PPP3CC: variants seen among roughly 807,000 people sequenced by gnomAD.
PPP3CC encodes the protein serine/threonine-protein phosphatase 2B catalytic subunit gamma isoform.
PPP3CC carries 35 observed loss-of-function variants against 60.3 expected under a neutral mutation model. The observed-to-expected ratio is 0.58, with a 90% CI of 0.44 to 0.77. The LOEUF (loss-of-function observed/expected upper bound fraction) is 0.77, where lower values mean the gene tolerates loss of function less well. Among genes scored for constraint, PPP3CC ranks in the 30% least tolerant of loss-of-function variants. The pLI is 0.00. For synonymous variants in PPP3CC, 206 were observed against 224.3 expected (o/e 0.92, Z 0.73); for missense variants, 570 against 628.9 (o/e 0.91, Z 1.00).
rs201005911 is a variant in PPP3CC at position 22,451,231 on chromosome 8, G to GTTCAC, written c.49+9777_49+9778insCTTCA. ...GCTCACTGCAACCTCCGCCTCCCAG[G>GTTCAC]TTCAAGTGATTCTCCTGCCCCAGCC... On this transcript the variant is annotated intron_variant, in intron 1 of 13. Transcript: ENST00000240139. Among the ~76,000 whole-genome samples the GTTCAC allele has an allele frequency of 3.5e-3, 523 of 150,140 alleles. 3 individuals carry two copies. Among genetic ancestry groups the GTTCAC allele is most frequent in the Middle Eastern group, 0.01 (3 of 286 alleles).
chr8:22,535,371 T>C (rs1839820648), intron 12 of PPP3CC, among the ~76,000 whole-genome samples: 1 of 152,224 alleles, frequency 6.6e-6, no homozygotes. Flanking sequence ...TAACACTAGG[T>C]ATGAAAATTG....
chr8:22,457,253 G>A (rs1837231176), intron 1 of PPP3CC, among the ~76,000 whole-genome samples: 1 of 151,384 alleles, frequency 6.6e-6, no homozygotes, highest in Non-Finnish European at 1.5e-5. Flanking sequence ...GAGTGCTGCT[G>A]TAACAAACAC....
chr8:22,453,794 T>C (rs1837107649), intron 1 of PPP3CC, among the ~76,000 whole-genome samples: 1 of 152,156 alleles, frequency 6.6e-6, no homozygotes, highest in African/African-American at 2.4e-5. Flanking sequence ...AACACAACAG[T>C]AAGTCTTTGG....
rs766925090 is a variant in PPP3CC, at chr8:22,527,528, TA to T, written c.1069+14del. 8.1e-5 allele frequency: 131 copies of T among 1,613,228 alleles called. No homozygotes were observed. In the African/African-American group the frequency reaches 1.6e-3, roughly 20 times the overall value. On this transcript the variant is annotated intron_variant, in intron 9 of 13. Transcript: ENST00000240139. ...TTGTTGGGGAAAAAGGTAAGAGAACTAAAGCACATGTCTCATCAGTTGTTTG... is the reference window on the plus strand; with the variant it reads ...TTGTTGGGGAAAAAGGTAAGAGAACTAAGCACATGTCTCATCAGTTGTTTG...
intron 6 of PPP3CC, among the ~76,000 whole-genome samples, chr8:22,518,674 T>C (rs746225582): frequency 5.7e-4 from 87 of 152,164 alleles, no homozygotes; most frequent in Non-Finnish European, 1.1e-3. Context: ...AATGATGTAT[T>C]GAAGTTACTT....
intron 1 of PPP3CC, among the ~76,000 whole-genome samples, chr8:22,443,968 T>G (rs1054946170): frequency 6.6e-6 from 1 of 152,246 alleles, no homozygotes; most frequent in African/African-American, 2.4e-5. Flanking sequence ...CCCCAGCTAT[T>G]TTTGTTTCTG....
chr8:22,506,262 C>G (rs1282746928), intron 4 of PPP3CC, among the ~76,000 whole-genome samples: 1 of 117,704 alleles, frequency 8.5e-6, no homozygotes, highest in Non-Finnish European at 1.9e-5. Flanking sequence ...TAACAAGACC[C>G]CATTTCAAAA....
intron 5 of PPP3CC, 56 bp downstream of exon 5, chr8:22,511,287 T>TG: frequency 1.9e-6 from 3 of 1,543,622 alleles, no homozygotes; most frequent in Non-Finnish European, 1.8e-6. Flanking sequence ...GTTGGGTTTT[T>TG]TTGTTGTTGT....
intron 12 of PPP3CC, among the ~76,000 whole-genome samples, chr8:22,539,205 G>T (rs1189369462): frequency 1.3e-5 from 2 of 152,106 alleles, no homozygotes; most frequent in Non-Finnish European, 2.9e-5. Flanking sequence ...GTAGCAGTTG[G>T]CTACCTAAAA....
At chr8:22,527,797 G>A (rs973461901) in intron 9 of PPP3CC, among the ~76,000 whole-genome samples, 4 of 151,978 alleles carry the variant, frequency 2.6e-5, no homozygotes, top group African/African-American at 4.8e-5. Context: ...CACTGCACCC[G>A]GCTAATTTTT....
chr8:22,465,229 A>G (rs910791849), intron 1 of PPP3CC, among the ~76,000 whole-genome samples: 2 of 152,086 alleles, frequency 1.3e-5, no homozygotes, highest in Non-Finnish European at 2.9e-5. Context: ...CCAAAGTGCT[A>G]GGATTACAGG....
intron 1 of PPP3CC, among the ~76,000 whole-genome samples, chr8:22,453,301 T>A (rs1456185833): frequency 6.6e-6 from 1 of 152,224 alleles, no homozygotes; most frequent in African/African-American, 2.4e-5. Flanking sequence ...TTAAGTGACA[T>A]GTGAAATGAA....
At chr8:22,452,798 C>T (rs996246452) in intron 1 of PPP3CC, among the ~76,000 whole-genome samples, 1 of 145,228 alleles carries the variant, frequency 6.9e-6, no homozygotes, top group African/African-American at 2.5e-5. Flanking sequence ...ATGGTAGGTG[C>T]TGCTGCCGCC....
intron 1 of PPP3CC, among the ~76,000 whole-genome samples, chr8:22,454,482 A>T (rs1477757549): frequency 6.6e-6 from 1 of 152,192 alleles, no homozygotes; most frequent in Admixed American, 6.5e-5. Flanking sequence ...TAGAAGGAGT[A>T]TACTCTAAAG....
rs375295371 is a variant in PPP3CC, at chr8:22,477,200, C to T, written c.372+1576C>T. On this transcript the variant is annotated intron_variant, in intron 3 of 13. Transcript: ENST00000240139. The stretch of plus-strand genomic sequence containing the variant: ...AGTCAAATGTATGGATGTGGGGCTG[C>T]GCGCAATGGCTCATGCCTGTAATCC... Among the ~76,000 whole-genome samples, 20 of 151,838 alleles carry T rather than the reference C, an allele frequency of 1.3e-4. 1 individual carries two copies. Among genetic ancestry groups the T allele is most frequent in the African/African-American group, 4.3e-4 (18 of 41,436 alleles).
intron 6 of PPP3CC, among the ~76,000 whole-genome samples, chr8:22,520,913 G>T: frequency 6.6e-6 from 1 of 152,194 alleles, no homozygotes; most frequent in Non-Finnish European, 1.5e-5. Context: ...ATTTGAAGGA[G>T]CAGGGGCCTT....
At chr8:22,442,008 GGGTAAT>G (rs2132415780) in intron 1 of PPP3CC, among the ~76,000 whole-genome samples, 1 of 152,318 alleles carries the variant, frequency 6.6e-6, no homozygotes, top group South Asian at 2.1e-4. Flanking sequence ...GCTCTTGACA[GGGTAAT>G]GGTATTTTAT....
intron 3 of PPP3CC, among the ~76,000 whole-genome samples, chr8:22,477,127 A>G (rs570603350): frequency 6.6e-6 from 1 of 152,290 alleles, no homozygotes; most frequent in South Asian, 2.1e-4. Flanking sequence ...TGTATCATTG[A>G]GGAGCTTCCC....
chr8:22,511,449 T>C (rs899949846), intron 5 of PPP3CC, among the ~76,000 whole-genome samples: 1 of 152,102 alleles, frequency 6.6e-6, no homozygotes, highest in African/African-American at 2.4e-5. Flanking sequence ...TTTGTATTTT[T>C]AGTAGAGACG....
Sources: allele counts gnomAD v4.1 joint callset (sites outside exome capture counted in the v4.1 genomes callset), GRCh38; gene constraint gnomAD v4.1.1; transcripts MANE v1.5; gene names NCBI Gene and HGNC (gene_info 2026-07-23, HGNC 2026-07-21).